The following PCDHGA8 variants were observed in gnomAD, a reference collection of about 807,000 sequenced individuals.
PCDHGA8 encodes protocadherin gamma subfamily A, 8.
PCDHGA8 carries 45 observed loss-of-function variants against 59.2 expected under a neutral mutation model. That is an observed-to-expected ratio of 0.76 (90% CI 0.60 to 0.98). The LOEUF is 0.98. PCDHGA8 is among the 50% of genes least tolerant of loss of function. PCDHGA8 has a pLI of 0.00. For missense variants in PCDHGA8, 1,257 were observed against 1,196.2 expected (o/e 1.05, Z -0.75); for synonymous variants, 531 against 519.0 (o/e 1.02, Z -0.32).
chr5:141,492,084 G>A (rs979755390), intron 1 of PCDHGA8, among the ~76,000 whole-genome samples: 1 of 152,236 alleles, frequency 6.6e-6, no homozygotes, highest in Non-Finnish European at 1.5e-5. Flanking sequence ...GCTCCGGCAC[G>A]CTTCGCCGGT....
intron 1 of PCDHGA8, chr5:141,407,994 C>T (rs1449634415): frequency 1.0e-5 from 9 of 858,436 alleles, no homozygotes; most frequent in African/African-American, 1.7e-5. Flanking sequence ...CAGCCTCTGG[C>T]CTGGGATTCC....
chr5:141,405,461 C>T, intron 1 of PCDHGA8: 1 of 1,220,756 alleles, frequency 8.2e-7, no homozygotes, highest in Non-Finnish European at 1.1e-6. Context: ...ACTCTGTTAC[C>T]CAGGCTGGAA....
At position 141,491,672 on chromosome 5, in the gene PCDHGA8, G is replaced by A. The variant is rs754836157; in HGVS notation, c.2425-3135G>A. The A allele has an allele frequency of 9.9e-6, 16 of 1,613,494 alleles. No homozygotes were observed. The South Asian group carries it at 1.4e-4, about 14-fold the overall frequency. On this transcript the variant is annotated intron_variant, in intron 1 of 3. Transcript: ENST00000398604. This position sits in a 1 kb window ranked among gnomAD's most constrained non-coding sequence, Gnocchi z 6.9. ...CTGGAGCCTGACGCCATCCGGTCCCGCTCTAATACGCTGCGGGAGCGGAGC... is the reference window on the plus strand; with the variant it reads ...CTGGAGCCTGACGCCATCCGGTCCCACTCTAATACGCTGCGGGAGCGGAGC...
intron 1 of PCDHGA8, chr5:141,408,915 A>T (rs2095192273): frequency 1.2e-6 from 2 of 1,613,004 alleles, no homozygotes; most frequent in South Asian, 2.2e-5. Context: ...ACCAATGATA[A>T]CCCCCCGGTT....
chr5:141,483,779 A>G (rs1259583177), intron 1 of PCDHGA8, among the ~76,000 whole-genome samples: 2 of 152,146 alleles, frequency 1.3e-5, no homozygotes, highest in Non-Finnish European at 2.9e-5. Context: ...TTGGGGAAGG[A>G]TAAGAACTCC....
At position 141,486,881 on chromosome 5, in the gene PCDHGA8, G is replaced by T. The variant is rs114512641; in HGVS notation, c.2425-7926G>T. The T allele has an allele frequency of 1.3e-5, 21 of 1,614,090 alleles. No homozygotes were observed. The East Asian group carries it at 4.7e-4, about 36-fold the overall frequency. ...TGCTCCAGCTGTGCTCCGTCCTCGG[G>T]CCCGGCCTGGTTCCTTATGTCCCCA... is the stretch of plus-strand genomic sequence containing the variant. On this transcript the variant is annotated intron_variant, in intron 1 of 3. Coordinates refer to ENST00000398604, the MANE Select transcript of PCDHGA8 (RefSeq NM_032088.2). This position sits in a 1 kb window ranked among gnomAD's most constrained non-coding sequence, Gnocchi z 5.0.
At chr5:141,453,377 T>TC (rs1242854086) in intron 1 of PCDHGA8, among the ~76,000 whole-genome samples, 3 of 152,072 alleles carry the variant, frequency 2.0e-5, no homozygotes, top group Admixed American at 2.0e-4. Context: ...CAAGTGATCC[T>TC]CCTGCCTTAG....
chr5:141,399,608 C>T (rs767025311), intron 1 of PCDHGA8: 3 of 1,613,962 alleles, frequency 1.9e-6, no homozygotes, highest in Non-Finnish European at 2.5e-6. Flanking sequence ...GACCTAGAGC[C>T]TCTGGCACTG....
chr5:141,399,443 G>A, intron 1 of PCDHGA8: 1 of 1,614,018 alleles, frequency 6.2e-7, no homozygotes, highest in Non-Finnish European at 8.5e-7. Flanking sequence ...CTACATATCA[G>A]AGACGTCAAC....
At position 141,510,979 on chromosome 5, in the gene PCDHGA8, G is replaced by T; in HGVS notation, c.2605G>T (p.Gly869Cys). 3.7e-6 allele frequency: 6 copies of T among 1,614,156 alleles called. No individual in the cohort carries two copies. Among genetic ancestry groups the T allele is most frequent in the Non-Finnish European group, 4.2e-6 (5 of 1,180,018 alleles). Residue 869 changes from glycine to cysteine, a missense_variant, in exon 4 of 4, where the codon GGT becomes TGT. Gly to Cys is a radical substitution (Grantham distance 159). Coordinates refer to ENST00000398604, the MANE Select transcript of PCDHGA8 (RefSeq NM_032088.2). ...TGATGGGAGCTCCACCCTGGGAGGGGGTGCCGGCACCATGGGATTGAGCGC... is the reference window on the plus strand; with the variant it reads ...TGATGGGAGCTCCACCCTGGGAGGGTGTGCCGGCACCATGGGATTGAGCGC... Reference protein sequence around the residue: ...AADGSSTLGGGAGTMGLSARY... With the variant: ...AADGSSTLGGCAGTMGLSARY...
intron 1 of PCDHGA8, among the ~76,000 whole-genome samples, chr5:141,449,041 C>T (rs998143732): frequency 3.3e-5 from 5 of 152,126 alleles, no homozygotes; most frequent in Admixed American, 3.3e-4. Flanking sequence ...GATTATTAAC[C>T]AGTCTCATAA....
At chr5:141,404,897 C>A in intron 1 of PCDHGA8, 1 of 1,613,920 alleles carries the variant, frequency 6.2e-7, no homozygotes, top group African/African-American at 1.3e-5. Context: ...TGTACAGGAC[C>A]ATGGCCAGCC....
intron 1 of PCDHGA8, chr5:141,399,627 C>T (rs751717107): frequency 1.2e-6 from 2 of 1,613,906 alleles, no homozygotes; most frequent in Non-Finnish European, 1.7e-6. Context: ...TGGCCTCTTA[C>T]GTGTCCATGA....
intron 2 of PCDHGA8, among the ~76,000 whole-genome samples, chr5:141,503,596 C>T (rs1267014587): frequency 7.7e-6 from 1 of 129,694 alleles, no homozygotes; most frequent in African/African-American, 3.3e-5. Context: ...GAGACTCCAG[C>T]TCAAAAAAAA....
intron 1 of PCDHGA8, chr5:141,409,596 AC>A: frequency 6.2e-7 from 1 of 1,613,714 alleles, no homozygotes; most frequent in Non-Finnish European, 8.5e-7. Flanking sequence ...GCCGAGAACA[AC>A]CCGCCAGGAG....
At chr5:141,410,715 GTT>G (rs2154543204) in intron 1 of PCDHGA8, 19 of 1,422,782 alleles carry the variant, frequency 1.3e-5, no homozygotes, top group Non-Finnish European at 1.8e-5. Context: ...AGAATCATAT[GTT>G]TAAAATCCAT....
intron 1 of PCDHGA8, among the ~76,000 whole-genome samples, chr5:141,463,224 G>C (rs1039535501): frequency 6.6e-6 from 1 of 151,958 alleles, no homozygotes; most frequent in Non-Finnish European, 1.5e-5. Context: ...AATATTCCTG[G>C]AGTTCTTTGT....
intron 1 of PCDHGA8, chr5:141,410,023 C>A: frequency 6.2e-7 from 1 of 1,613,310 alleles, no homozygotes; most frequent in South Asian, 1.1e-5. Context: ...TGTCCTACCA[C>A]GTGCTGCAGG....
chr5:141,487,196 G>A lies in PCDHGA8; in HGVS notation c.2425-7611G>A. On this transcript the variant is annotated intron_variant, in intron 1 of 3. Coordinates refer to ENST00000398604, the MANE Select transcript of PCDHGA8 (RefSeq NM_032088.2). This position sits in a 1 kb window ranked among gnomAD's most constrained non-coding sequence, Gnocchi z 5.0. Reference sequence around the variant, plus strand: ...GGAAGACACTCATCCAGTTGTCCCAGATCTTCGAGAATCTTCAGCTCCAAG... The same window carrying A: ...GGAAGACACTCATCCAGTTGTCCCAAATCTTCGAGAATCTTCAGCTCCAAG... The A allele has an allele frequency of 1.2e-6, 2 of 1,613,878 alleles. No homozygotes were observed. The highest frequency in any genetic ancestry group is 8.5e-7 in the Non-Finnish European group (1 of 1,179,796).
Sources: gnomAD v4.1 joint callset for allele counts (sites outside exome capture counted in the v4.1 genomes callset) on GRCh38, gnomAD v4.1.1 for gene constraint, Gnocchi (gnomAD v3.1) non-coding constraint, MANE v1.5 for transcripts, NCBI Gene and HGNC (gene_info 2026-07-23, HGNC 2026-07-21) for gene names.